The following DCC variants were observed in gnomAD, a reference collection of about 807,000 sequenced individuals.
DCC encodes the protein netrin receptor DCC.
DCC carries 58 observed loss-of-function variants against 172.5 expected under a neutral mutation model. The ratio of observed to expected loss-of-function variants is 0.34; its 90% CI spans 0.27 to 0.42. The LOEUF is 0.42. DCC is among the 10% of genes least tolerant of loss of function. The probability of loss-of-function intolerance (pLI) is 1.00; values close to 1 mark genes in which losing one functional copy is unlikely to be tolerated. For synonymous variants in DCC, 709 were observed against 644.5 expected (o/e 1.10, Z -1.52); for missense variants, 1,740 against 1,791.0 (o/e 0.97, Z 0.51).
At chr18:52,555,900 C>T (rs2032902527) in intron 1 of DCC, among the ~76,000 whole-genome samples, 1 of 152,010 alleles carries the variant, frequency 6.6e-6, no homozygotes, top group Admixed American at 6.6e-5. Context: ...TCATTAATAA[C>T]TCTTCTTGAT....
chr18:52,657,218 G>A (rs1191343274), intron 1 of DCC, among the ~76,000 whole-genome samples: 7 of 152,298 alleles, frequency 4.6e-5, no homozygotes, highest in African/African-American at 1.7e-4. Context: ...TAGTGTGTGT[G>A]AAGCAAGTGC....
chr18:53,197,416 TTAG>T (rs1273990651), intron 9 of DCC, among the ~76,000 whole-genome samples: 4 of 131,416 alleles, frequency 3.0e-5, no homozygotes, highest in Non-Finnish European at 1.6e-5. Flanking sequence ...CACTTTTATT[TTAG>T]TTTTTTTTTT....
At chr18:52,830,571 T>G (rs559898436) in intron 2 of DCC, among the ~76,000 whole-genome samples, 2 of 150,860 alleles carry the variant, frequency 1.3e-5, no homozygotes, top group Admixed American at 6.6e-5. Context: ...CATTATCTTT[T>G]TCTAATAGAC....
At chr18:52,940,195 G>A (rs1407537651) in intron 5 of DCC, among the ~76,000 whole-genome samples, 2 of 152,162 alleles carry the variant, frequency 1.3e-5, no homozygotes, top group African/African-American at 4.8e-5. Context: ...TTTATATTCA[G>A]AAACCAAACC....
chr18:53,525,973 A>T (rs2046449868), intron 27 of DCC, among the ~76,000 whole-genome samples: 1 of 152,148 alleles, frequency 6.6e-6, no homozygotes, highest in Non-Finnish European at 1.5e-5. Flanking sequence ...GGCAGCCCTT[A>T]TGTATAGGAA....
intron 1 of DCC, among the ~76,000 whole-genome samples, chr18:52,357,576 T>C (rs1473473959): frequency 6.6e-6 from 1 of 152,170 alleles, no homozygotes; most frequent in Non-Finnish European, 1.5e-5. Flanking sequence ...AAATATTATA[T>C]ATACTCTACT....
At chr18:52,980,292 T>TA (rs2041189355) in intron 5 of DCC, among the ~76,000 whole-genome samples, 2 of 152,184 alleles carry the variant, frequency 1.3e-5, no homozygotes, top group South Asian at 4.2e-4. Flanking sequence ...TATTTTTTTT[T>TA]AGATTGAATT....
chr18:52,640,299 C>A (rs369324876), intron 1 of DCC, among the ~76,000 whole-genome samples: 12 of 152,182 alleles, frequency 7.9e-5, no homozygotes, highest in African/African-American at 2.9e-4. Context: ...AGAACTGGAA[C>A]AAGACAAGGA....
At chr18:52,345,080 G>A (rs889276452) in intron 1 of DCC, among the ~76,000 whole-genome samples, 9 of 152,144 alleles carry the variant, frequency 5.9e-5, no homozygotes, top group African/African-American at 2.2e-4. Context: ...ACCAAATTGG[G>A]AACACATTGC....
intron 22 of DCC, among the ~76,000 whole-genome samples, chr18:53,437,792 C>CA (rs1912047029): frequency 6.6e-6 from 1 of 152,074 alleles, no homozygotes; most frequent in Non-Finnish European, 1.5e-5. Flanking sequence ...TATATGTATT[C>CA]AAGCAGTCAG....
rs533112402 is a variant in DCC at position 53,245,095 on chromosome 18, C to G, written c.1911+29498C>G. On this transcript the variant is annotated intron_variant, in intron 12 of 28. Transcript: ENST00000442544. ...GTCATATATTTGGATGCCAGAAATA[C>G]CATCTTACTATAGTCCATGCTAGAA... 2.0e-5 allele frequency among the ~76,000 whole-genome samples: 3 copies of G among 152,174 alleles called. No homozygotes were observed. In the South Asian group the frequency reaches 6.2e-4, roughly 32 times the overall value.
At chr18:53,391,461 C>T (rs186014281) in intron 16 of DCC, among the ~76,000 whole-genome samples, 194 bp from the exon 17 acceptor site, 5 of 152,204 alleles carry the variant, frequency 3.3e-5, no homozygotes, top group Admixed American at 3.3e-4. Context: ...TACTTTTTTG[C>T]AATATAGCAA....
At chr18:52,709,055 CATCCCT>C in intron 1 of DCC, among the ~76,000 whole-genome samples, 1 of 152,260 alleles carries the variant, frequency 6.6e-6, no homozygotes, top group Non-Finnish European at 1.5e-5. Context: ...TCGCTACCTC[CATCCCT>C]ATCTTTCACA....
intron 2 of DCC, among the ~76,000 whole-genome samples, chr18:52,829,228 A>G (rs761630778): frequency 5.3e-5 from 8 of 152,226 alleles, no homozygotes; most frequent in Non-Finnish European, 8.8e-5. Flanking sequence ...AGCTGCATGC[A>G]TTAGTGAAGG....
chr18:52,792,537 C>T (rs1225972031), intron 2 of DCC, among the ~76,000 whole-genome samples: 1 of 152,140 alleles, frequency 6.6e-6, no homozygotes, highest in African/African-American at 2.4e-5. Flanking sequence ...ACAATGGCTA[C>T]GTCTTCCATG....
rs1310416442 is a variant in DCC at position 53,435,164 on chromosome 18, T to C, written c.3184T>C (p.Tyr1062His). 1 of 1,611,688 alleles carries C rather than the reference T, an allele frequency of 6.2e-7. No homozygotes were observed. Among genetic ancestry groups the C allele is most frequent in the Admixed American group, 1.7e-5 (1 of 60,018 alleles). The change falls in exon 22 of 29, where the codon TAT becomes CAT. Residue 1062 changes from tyrosine (Y) to histidine (H), a missense_variant. Transcript: ENST00000442544. ...NDQGRHGDGG[Y>H]WPVDTNLIDR... is the part of the protein sequence containing the mutation. ...AACAGGTCGTCATGGAGATGGAGGT[T>C]ATTGGCCAGTTGATACTAATTTGAT... is the stretch of plus-strand genomic sequence containing the variant.
chr18:52,382,296 C>T (rs1475463616), intron 1 of DCC, among the ~76,000 whole-genome samples: 2 of 152,048 alleles, frequency 1.3e-5, no homozygotes, highest in East Asian at 3.9e-4. Flanking sequence ...CAGAACAGAG[C>T]AGTGCCTTTC....
intron 1 of DCC, among the ~76,000 whole-genome samples, chr18:52,420,839 T>C (rs976991793): frequency 6.6e-6 from 1 of 151,910 alleles, no homozygotes; most frequent in Non-Finnish European, 1.5e-5. Context: ...TAAAATTAGG[T>C]TTAATGAGGA....
At position 52,930,276 on chromosome 18, in the gene DCC, A is replaced by G. The variant is rs544226994; in HGVS notation, c.985+4906A>G. ...CATCGCACCCAACCTTCAGCTTTAT[A>G]TTGTGGAACATTATCATGTTTCTTA... On this transcript the variant is annotated intron_variant, in intron 5 of 28. Transcript: ENST00000442544. 5.3e-5 allele frequency among the ~76,000 whole-genome samples: 8 copies of G among 151,942 alleles called. No individual in the cohort carries two copies. In the East Asian group the frequency reaches 1.6e-3, roughly 29 times the overall value.
Sources: gnomAD v4.1 joint callset for allele counts (sites outside exome capture counted in the v4.1 genomes callset) on GRCh38, gnomAD v4.1.1 for gene constraint, MANE v1.5 for transcripts, NCBI Gene and HGNC (gene_info 2026-07-23, HGNC 2026-07-21) for gene names.